The following HS6ST3 variants were observed in gnomAD, a reference collection of about 807,000 sequenced individuals.
HS6ST3 encodes the protein heparan sulfate 6-O-sulfotransferase 3.
HS6ST3 carries 12 observed loss-of-function variants against 36.7 expected under a neutral mutation model. The observed-to-expected ratio is 0.33, with a 90% CI of 0.21 to 0.53. The LOEUF is 0.53. Ranked by LOEUF, HS6ST3 falls within the 20% of genes least tolerant of loss-of-function variation. The pLI, the probability that HS6ST3 is intolerant of heterozygous loss-of-function variation, is 0.95. For missense variants in HS6ST3, 584 were observed against 640.9 expected, an observed-to-expected ratio of 0.91 and a Z score of 0.96; for synonymous variants, 240 against 257.5, an observed-to-expected ratio of 0.93 and a Z score of 0.65.
intron 1 of HS6ST3, among the ~76,000 whole-genome samples, chr13:96,687,672 A>G (rs970928040): frequency 2.0e-5 from 3 of 151,946 alleles, no homozygotes; most frequent in Non-Finnish European, 4.4e-5. Flanking sequence ...TCTAAACATT[A>G]TTGCGGATAA....
intron 1 of HS6ST3, among the ~76,000 whole-genome samples, chr13:96,576,286 C>T (rs1051374899): frequency 6.6e-6 from 1 of 152,134 alleles, no homozygotes; most frequent in African/African-American, 2.4e-5. Flanking sequence ...TACTGGGTTC[C>T]CGCAGCCTGC....
At chr13:96,482,250 C>T (rs2055893379) in intron 1 of HS6ST3, among the ~76,000 whole-genome samples, 2 of 152,120 alleles carry the variant, frequency 1.3e-5, no homozygotes, top group African/African-American at 2.4e-5. Flanking sequence ...GTTCTTTCTC[C>T]TGGGGCAAAT....
intron 1 of HS6ST3, among the ~76,000 whole-genome samples, chr13:96,403,552 C>T (rs1439139677): frequency 6.6e-6 from 1 of 152,152 alleles, no homozygotes; most frequent in African/African-American, 2.4e-5. Context: ...GTGACTTAAT[C>T]ATTTCCTTCC....
chr13:96,260,231 C>T (rs2054657454), intron 1 of HS6ST3, among the ~76,000 whole-genome samples: 1 of 27,294 alleles, frequency 3.7e-5, no homozygotes, highest in Non-Finnish European at 8.9e-5. Context: ...TATTTTTTCC[C>T]TTCCTTCCTT....
intron 1 of HS6ST3, among the ~76,000 whole-genome samples, chr13:96,799,758 G>A (rs1340040643): frequency 6.7e-6 from 1 of 148,710 alleles, no homozygotes; most frequent in East Asian, 2.0e-4. Context: ...TTGTGCACAT[G>A]TACCCTAAAA....
At chr13:96,303,856 A>G (rs2054895546) in intron 1 of HS6ST3, among the ~76,000 whole-genome samples, 1 of 152,164 alleles carries the variant, frequency 6.6e-6, no homozygotes, top group Non-Finnish European at 1.5e-5. Flanking sequence ...TAAAAATATG[A>G]CTTGGGTAGG....
chr13:96,440,884 G>A (rs571070371), intron 1 of HS6ST3, among the ~76,000 whole-genome samples: 12 of 152,292 alleles, frequency 7.9e-5, no homozygotes, highest in African/African-American at 2.9e-4. Context: ...TTGCTAAGTT[G>A]ATTTAAGAAA....
In HS6ST3 at chr13:96,324,680, T is replaced by C. The variant is rs540194910; in HGVS notation, c.707+233111T>C. Reference sequence around the variant, plus strand: ...TAGTCCAGTTTGACTGGTATCTTTATGAAAATGGAACATTTGAACACAGAG... The same window carrying C: ...TAGTCCAGTTTGACTGGTATCTTTACGAAAATGGAACATTTGAACACAGAG... On this transcript the variant is annotated intron_variant, in intron 1 of 1. Transcript: ENST00000376705. 2.0e-5 allele frequency among the ~76,000 whole-genome samples: 3 copies of C among 152,288 alleles called. No homozygotes were observed. In the East Asian group the frequency reaches 5.8e-4, roughly 29 times the overall value.
At chr13:96,683,842 C>T (rs774224961) in intron 1 of HS6ST3, among the ~76,000 whole-genome samples, 3 of 151,974 alleles carry the variant, frequency 2.0e-5, no homozygotes, top group South Asian at 4.2e-4. Context: ...AATTACAAAC[C>T]GCAGAGTTAG....
intron 1 of HS6ST3, among the ~76,000 whole-genome samples, chr13:96,756,543 C>A (rs1271345135): frequency 6.6e-6 from 1 of 152,114 alleles, no homozygotes; most frequent in Non-Finnish European, 1.5e-5. Flanking sequence ...ACCAAAAAAA[C>A]CTTGCTGGTA....
intron 1 of HS6ST3, among the ~76,000 whole-genome samples, chr13:96,815,914 G>C (rs928680984): frequency 1.2e-4 from 19 of 152,190 alleles, no homozygotes; most frequent in Non-Finnish European, 2.2e-4. Flanking sequence ...GTTTCTACCT[G>C]TGGAATGCCT....
chr13:96,665,313 T>C (rs978477257), intron 1 of HS6ST3, among the ~76,000 whole-genome samples: 2 of 152,150 alleles, frequency 1.3e-5, no homozygotes, highest in Non-Finnish European at 2.9e-5. Flanking sequence ...GCCACATACA[T>C]AGCAATGGAG....
At chr13:96,280,972 T>C (rs943294125) in intron 1 of HS6ST3, among the ~76,000 whole-genome samples, 5 of 152,176 alleles carry the variant, frequency 3.3e-5, no homozygotes, top group African/African-American at 1.2e-4. Flanking sequence ...AGGGCAGCTC[T>C]TTTTAGCATA....
intron 1 of HS6ST3, among the ~76,000 whole-genome samples, chr13:96,644,933 C>A (rs1484614273): frequency 6.6e-6 from 1 of 151,790 alleles, no homozygotes; most frequent in Non-Finnish European, 1.5e-5. Flanking sequence ...AAAATTTTTT[C>A]TTAGGTGGGA....
intron 1 of HS6ST3, among the ~76,000 whole-genome samples, chr13:96,595,536 G>A (rs2056398290): frequency 6.6e-6 from 1 of 150,688 alleles, no homozygotes; most frequent in Non-Finnish European, 1.5e-5. Context: ...TATTTGGTTT[G>A]AATCTGATTG....
At chr13:96,247,571 A>T (rs1049977814) in intron 1 of HS6ST3, among the ~76,000 whole-genome samples, 1 of 152,098 alleles carries the variant, frequency 6.6e-6, no homozygotes, top group African/African-American at 2.4e-5. Context: ...TCCCTCAGCC[A>T]TGTGGAACTG....
chr13:96,155,839 G>A (rs1310193598), intron 1 of HS6ST3, among the ~76,000 whole-genome samples: 1 of 152,146 alleles, frequency 6.6e-6, no homozygotes, highest in Non-Finnish European at 1.5e-5. Context: ...ATGTGACATT[G>A]TTTGGTAAAT....
intron 1 of HS6ST3, among the ~76,000 whole-genome samples, chr13:96,530,994 A>G (rs1299934529): frequency 6.6e-6 from 1 of 152,182 alleles, no homozygotes; most frequent in Non-Finnish European, 1.5e-5. Context: ...TCTGAGTAGC[A>G]ATGATTTAGA....
At chr13:96,677,727 C>A (rs1015974800) in intron 1 of HS6ST3, among the ~76,000 whole-genome samples, 2 of 152,032 alleles carry the variant, frequency 1.3e-5, no homozygotes, top group Non-Finnish European at 2.9e-5. Flanking sequence ...TTATATTTAT[C>A]TTATGACATT....
Sources: allele counts gnomAD v4.1 joint callset (sites outside exome capture counted in the v4.1 genomes callset), GRCh38; gene constraint gnomAD v4.1.1; transcripts MANE v1.5; gene names NCBI Gene and HGNC (gene_info 2026-07-23, HGNC 2026-07-21).